Variants in NDUFAF2 observed in about 807,000 individuals in gnomAD.
NDUFAF2 encodes the protein NADH dehydrogenase [ubiquinone] 1 alpha subcomplex assembly factor 2.
A neutral mutation model predicts 22.8 loss-of-function variants in NDUFAF2; 13 were observed. The ratio of observed to expected loss-of-function variants is 0.57; its 90% CI spans 0.37 to 0.91. NDUFAF2 has a LOEUF of 0.91. Ranked by LOEUF, NDUFAF2 falls within the 40% of genes least tolerant of loss-of-function variation. The probability of loss-of-function intolerance (pLI) is 0.01; values close to 1 mark genes in which losing one functional copy is unlikely to be tolerated. For missense variants in NDUFAF2, 162 were observed against 195.2 expected (o/e 0.83, Z 1.01); for synonymous variants, 53 against 64.2 (o/e 0.83, Z 0.84).
At position 61,133,396 on chromosome 5, in the gene NDUFAF2, G is replaced by T. The variant is rs150389936; in HGVS notation, c.259-19308G>T. Among the ~76,000 whole-genome samples, 277 of 152,260 alleles carry T rather than the reference G, an allele frequency of 1.8e-3. 3 individuals carry two copies. The highest frequency in any genetic ancestry group is 6.5e-3 in the African/African-American group (269 of 41,578). On this transcript the variant is annotated intron_variant, in intron 3 of 3. Coordinates refer to ENST00000296597, the MANE Select transcript of NDUFAF2 (RefSeq NM_174889.5). ...AAGCCACATACTTGGTGATTGATAG[G>T]TGGCAGGTACACAAAGAAAAATAGA...
intron 1 of NDUFAF2, among the ~76,000 whole-genome samples, chr5:60,979,543 C>T (rs552299364): frequency 7.9e-5 from 12 of 152,222 alleles, no homozygotes; most frequent in Admixed American, 2.6e-4. Flanking sequence ...CTTCAGGGTT[C>T]GGGCAGTGGT....
At chr5:61,136,864 TG>T (rs1322296180) in intron 3 of NDUFAF2, among the ~76,000 whole-genome samples, 7 of 152,172 alleles carry the variant, frequency 4.6e-5, no homozygotes, top group African/African-American at 1.7e-4. Flanking sequence ...GGCTCACTCC[TG>T]GGGAGTGTTA....
intron 1 of NDUFAF2, among the ~76,000 whole-genome samples, chr5:60,983,113 C>T (rs199518488): frequency 2.6e-4 from 38 of 147,780 alleles, no homozygotes; most frequent in East Asian, 6.0e-4. Flanking sequence ...GAGATGGTAT[C>T]TCATTGTGGT....
chr5:60,980,676 G>C (rs890533566), intron 1 of NDUFAF2, among the ~76,000 whole-genome samples: 4 of 152,138 alleles, frequency 2.6e-5, no homozygotes, highest in Non-Finnish European at 5.9e-5. Flanking sequence ...AGAAGGCTGA[G>C]GTGGGTGGAT....
chr5:61,071,168 A>G (rs1752294270), intron 1 of NDUFAF2, among the ~76,000 whole-genome samples: 2 of 152,158 alleles, frequency 1.3e-5, no homozygotes, highest in African/African-American at 4.8e-5. Flanking sequence ...TGTCATTGTT[A>G]TATGCTCCTT....
At chr5:61,059,889 T>A (rs1009162462) in intron 1 of NDUFAF2, among the ~76,000 whole-genome samples, 2 of 152,144 alleles carry the variant, frequency 1.3e-5, no homozygotes, top group African/African-American at 4.8e-5. Context: ...CCTCCTTTAA[T>A]TACTGTGAGG....
At chr5:60,976,099 A>G (rs887517188) in intron 1 of NDUFAF2, among the ~76,000 whole-genome samples, 7 of 152,202 alleles carry the variant, frequency 4.6e-5, no homozygotes, top group African/African-American at 1.4e-4. Flanking sequence ...CTGGGTTTCC[A>G]TGTAATATTT....
chr5:61,118,489 A>C (rs898829560), intron 3 of NDUFAF2, among the ~76,000 whole-genome samples: 3 of 152,240 alleles, frequency 2.0e-5, no homozygotes, highest in Non-Finnish European at 4.4e-5. Context: ...TTTGAATTTT[A>C]AAATTAAGTC....
At chr5:60,972,154 G>T (rs998619909) in intron 1 of NDUFAF2, among the ~76,000 whole-genome samples, 3 of 151,696 alleles carry the variant, frequency 2.0e-5, no homozygotes, top group Admixed American at 6.6e-5. Context: ...TGTTGGTCAG[G>T]CTGGTTTCAA....
chr5:61,034,172 G>T (rs935352072), intron 1 of NDUFAF2, among the ~76,000 whole-genome samples: 1 of 152,122 alleles, frequency 6.6e-6, no homozygotes, highest in African/African-American at 2.4e-5. Context: ...GGAATGGAAA[G>T]ATCTTTTTGT....
At chr5:61,100,289 A>G (rs1181740138) in intron 3 of NDUFAF2, among the ~76,000 whole-genome samples, 2 of 152,082 alleles carry the variant, frequency 1.3e-5, no homozygotes. Context: ...AGCCTTATTC[A>G]TAGAAACATT....
rs1014523133 is a variant in NDUFAF2 at position 61,152,626 on chromosome 5, T to C, written c.259-78T>C. Reference sequence around the variant, plus strand: ...ATATTTATATGTATATAATGTATTTTATTTTTATTGGCTATTTTTATAAAA... The same window carrying C: ...ATATTTATATGTATATAATGTATTTCATTTTTATTGGCTATTTTTATAAAA... On this transcript the variant is annotated intron_variant, in intron 3 of 3. Coordinates refer to ENST00000296597, the MANE Select transcript of NDUFAF2 (RefSeq NM_174889.5). The C allele has an allele frequency of 4.9e-6, 5 of 1,029,496 alleles. No homozygotes were observed. In the African/African-American group the frequency reaches 8.1e-5, roughly 17 times the overall value. The allele number at this position is 1,029,496 out of a possible 1,614,324, so 63.8% of individuals were successfully genotyped here.
At chr5:60,998,272 T>G (rs1484692508) in intron 1 of NDUFAF2, among the ~76,000 whole-genome samples, 1 of 152,166 alleles carries the variant, frequency 6.6e-6, no homozygotes, top group East Asian at 1.9e-4. Flanking sequence ...CAAAAAAAAT[T>G]TAATGATTAC....
chr5:61,123,737 G>A (rs1260734277), intron 3 of NDUFAF2, among the ~76,000 whole-genome samples: 2 of 152,202 alleles, frequency 1.3e-5, no homozygotes, highest in South Asian at 4.1e-4. Context: ...TTTCAAACAA[G>A]TTTATTACAA....
At chr5:61,040,286 A>ACACACACACGCGCGCGCGCGCGCGCGCG (rs1491193758) in intron 1 of NDUFAF2, among the ~76,000 whole-genome samples, 1 of 93,074 alleles carries the variant, frequency 1.1e-5, no homozygotes, top group Non-Finnish European at 2.2e-5. Flanking sequence ...ACACACACAC[A>ACACACACACGCGCGCGCGCGCGCGCGCG]CGCGCGCGCG....
intron 1 of NDUFAF2, among the ~76,000 whole-genome samples, chr5:61,022,233 GTTA>G: frequency 6.6e-6 from 1 of 152,078 alleles, no homozygotes; most frequent in East Asian, 1.9e-4. Context: ...TTCTGTTACT[GTTA>G]TTATCAATAT....
At chr5:61,008,508 C>G (rs945268933) in intron 1 of NDUFAF2, among the ~76,000 whole-genome samples, 3 of 152,052 alleles carry the variant, frequency 2.0e-5, no homozygotes, top group Admixed American at 6.6e-5. Flanking sequence ...TCTCAATGTT[C>G]AAAACAATCT....
chr5:60,969,551 AT>A (rs1056292908), intron 1 of NDUFAF2, among the ~76,000 whole-genome samples: 2 of 151,948 alleles, frequency 1.3e-5, no homozygotes, highest in Non-Finnish European at 2.9e-5. Flanking sequence ...CCATTTTTAT[AT>A]TGGATTATCA....
chr5:61,149,745 G>A (rs1469746284), intron 3 of NDUFAF2, among the ~76,000 whole-genome samples: 5 of 152,204 alleles, frequency 3.3e-5, no homozygotes, highest in Admixed American at 2.0e-4. Context: ...TTTGATAAAC[G>A]TATGGAGATA....
Sources: allele counts gnomAD v4.1 joint callset (sites outside exome capture counted in the v4.1 genomes callset), GRCh38; gene constraint gnomAD v4.1.1; transcripts MANE v1.5; gene names NCBI Gene and HGNC (gene_info 2026-07-23, HGNC 2026-07-21).